The following ASB3 variants were observed in gnomAD, a reference collection of about 807,000 sequenced individuals.
ASB3 encodes ankyrin repeat and SOCS box protein 3.
Under a neutral mutation model 54.5 loss-of-function variants are expected in ASB3, and 41 were observed. The ratio of observed to expected loss-of-function variants is 0.75; its 90% CI spans 0.59 to 0.98. ASB3 has a LOEUF of 0.98. ASB3 is among the 50% of genes least tolerant of loss of function. The pLI is 0.00. For missense variants in ASB3, 733 were observed against 620.0 expected, an observed-to-expected ratio of 1.18 and a Z score of -1.94; for synonymous variants, 266 against 221.2, an observed-to-expected ratio of 1.20 and a Z score of -1.80.
At chr2:53,713,071 G>C (rs964305293) in intron 7 of ASB3, among the ~76,000 whole-genome samples, 1 of 152,148 alleles carries the variant, frequency 6.6e-6, no homozygotes, top group African/African-American at 2.4e-5. Flanking sequence ...GGATGGGGTG[G>C]CTCACACCTA....
intron 5 of ASB3, among the ~76,000 whole-genome samples, chr2:53,723,157 G>C (rs1005090434): frequency 6.6e-6 from 1 of 151,860 alleles, no homozygotes; most frequent in African/African-American, 2.4e-5. Flanking sequence ...TCTCTACAAG[G>C]AGAACTACAA....
intron 5 of ASB3, among the ~76,000 whole-genome samples, chr2:53,721,979 G>A (rs1222731300): frequency 6.6e-6 from 1 of 151,896 alleles, no homozygotes; most frequent in Admixed American, 6.6e-5. Flanking sequence ...GTCCAAATAA[G>A]CACAATCTGA....
In ASB3 at chr2:53,750,830, G is replaced by A. The variant is rs1169716826; in HGVS notation, c.308C>T (p.Ala103Val). The change falls in exon 3 of 10, where the codon GCA (alanine) becomes GTA (valine). Residue 103 changes from alanine (A) to valine (V), a missense_variant. Coordinates refer to ENST00000263634, the MANE Select transcript of ASB3 (RefSeq NM_016115.5). ...TTCTAAAGTAGTTGCATTAGGATCT[G>A]CCCCAGCTTCTAAAAGAATCTGTAC... ...KIVQILLEAG[A>V]DPNATTLEET... The A allele has an allele frequency of 5.0e-6, 8 of 1,601,874 alleles. No homozygotes were observed. Among genetic ancestry groups the A allele is most frequent in the Non-Finnish European group, 6.8e-6 (8 of 1,174,172 alleles).
rs557329043 is a variant in ASB3, at chr2:53,739,916, C to T, written c.356-10346G>A. Among the ~76,000 whole-genome samples, 5 of 152,214 alleles carry T rather than the reference C, an allele frequency of 3.3e-5. No homozygotes were observed. The South Asian group carries it at 6.2e-4, about 19-fold the overall frequency. On this transcript the variant is annotated intron_variant, in intron 3 of 9. Coordinates refer to ENST00000263634, the MANE Select transcript of ASB3 (RefSeq NM_016115.5). ...CTTGAACTCATGGGCTCAAGTGATC[C>T]TCCCACTTCAGCCTCCCAAAATGTT...
At position 53,729,999 on chromosome 2, in the gene ASB3, C is replaced by G. The variant is rs1295544652; in HGVS notation, c.356-429G>C. ...AAGAGTAACTGACAAAATGAAAAAG[C>G]AACTTCTTCATCTTAGATTTTTTTT... On this transcript the variant is annotated intron_variant, in intron 3 of 9. Transcript: ENST00000263634. 2.0e-5 allele frequency among the ~76,000 whole-genome samples: 3 copies of G among 152,130 alleles called. No homozygotes were observed. In the East Asian group the frequency reaches 5.8e-4, roughly 29 times the overall value.
At chr2:53,784,398 T>C (rs1219490774) in intron 1 of ASB3, among the ~76,000 whole-genome samples, 1 of 152,182 alleles carries the variant, frequency 6.6e-6, no homozygotes, top group Non-Finnish European at 1.5e-5. Flanking sequence ...TCTCAACTAC[T>C]TTTTGGTTTT....
intron 2 of ASB3, among the ~76,000 whole-genome samples, chr2:53,761,899 C>T (rs1673168109): frequency 6.6e-6 from 1 of 152,086 alleles, no homozygotes; most frequent in African/African-American, 2.4e-5. Context: ...GTTATAACAG[C>T]AAAACTTTAG....
chr2:53,700,235 A>G (rs1166800444), intron 8 of ASB3, 36 bp downstream of exon 8: 2 of 1,588,744 alleles, frequency 1.3e-6, no homozygotes, highest in Admixed American at 3.5e-5. Flanking sequence ...ATATTCACTC[A>G]AAAAGGGTAA....
chr2:53,765,706 C>T, intron 1 of ASB3, 121 bp from the exon 2 acceptor site: 4 of 1,177,780 alleles, frequency 3.4e-6, no homozygotes, highest in East Asian at 2.5e-5. Context: ...GAAGGGCCCA[C>T]AATACAGAAA....
intron 3 of ASB3, among the ~76,000 whole-genome samples, chr2:53,743,973 G>A (rs1672079906): frequency 6.6e-6 from 1 of 151,764 alleles, no homozygotes. Flanking sequence ...AACCCTGGAG[G>A]TGGAAGTTGC....
chr2:53,744,060 T>C (rs1050908804), intron 3 of ASB3, among the ~76,000 whole-genome samples: 2 of 117,150 alleles, frequency 1.7e-5, no homozygotes, highest in Non-Finnish European at 3.7e-5. Flanking sequence ...AAAAAAAAAG[T>C]AATTAAAAGA....
intron 2 of ASB3, among the ~76,000 whole-genome samples, chr2:53,757,350 C>T (rs1315659859): frequency 6.6e-6 from 1 of 152,208 alleles, no homozygotes; most frequent in African/African-American, 2.4e-5. Context: ...TTTCAATTTT[C>T]CTGGGGAGGC....
chr2:53,782,677 G>A (rs1674714830), intron 1 of ASB3, among the ~76,000 whole-genome samples: 1 of 152,132 alleles, frequency 6.6e-6, no homozygotes, highest in South Asian at 2.1e-4. Context: ...CCTTATTTGG[G>A]TACAGGGTGG....
intron 9 of ASB3, among the ~76,000 whole-genome samples, chr2:53,675,072 AT>A (rs577741666): frequency 8.9e-4 from 135 of 152,338 alleles, no homozygotes; most frequent in African/African-American, 3.0e-3. Context: ...TTACCTTTCC[AT>A]AAAATGAGAA....
At position 53,766,159 on chromosome 2, in the gene ASB3, C is replaced by T. The variant is rs538032800; in HGVS notation, c.-13-574G>A. Among the ~76,000 whole-genome samples, 3 of 152,326 alleles carry T rather than the reference C, an allele frequency of 2.0e-5. No homozygotes were observed. The South Asian group carries it at 6.2e-4, about 32-fold the overall frequency. ...AGGTTAAACACTCAGATTCTCTATG[C>T]TTGACCAAATAGACCCACTGACTGA... On this transcript the variant is annotated intron_variant, in intron 1 of 9. Coordinates refer to ENST00000263634, the MANE Select transcript of ASB3 (RefSeq NM_016115.5).
rs75885371 is a variant in ASB3 at position 53,694,157 on chromosome 2, A to G, written c.1239-143T>C. 3,442 of 870,446 alleles carry G rather than the reference A, an allele frequency of 4.0e-3. 63 individuals are homozygous for G. The African/African-American group carries it at 0.047, about 12-fold the overall frequency. 53.9% of individuals were successfully genotyped at this position (870,446 alleles called of 1,614,324 possible). Reference sequence around the variant, plus strand: ...CCAGGGCATGTTAAGTATTTATGTAACTAGAGGCAAGATCAGAGGATATTA... The same window carrying G: ...CCAGGGCATGTTAAGTATTTATGTAGCTAGAGGCAAGATCAGAGGATATTA... On this transcript the variant is annotated intron_variant, in intron 8 of 9. Transcript: ENST00000263634.
chr2:53,763,776 CT>C (rs1293086789), intron 2 of ASB3, among the ~76,000 whole-genome samples: 2 of 152,170 alleles, frequency 1.3e-5, no homozygotes, highest in Non-Finnish European at 2.9e-5. Context: ...GATATTCAAA[CT>C]CATGTCTTTG....
chr2:53,720,881 C>T (rs1490132228), intron 5 of ASB3, among the ~76,000 whole-genome samples: 1 of 151,896 alleles, frequency 6.6e-6, no homozygotes, highest in Non-Finnish European at 1.5e-5. Flanking sequence ...CTTGTGAGGC[C>T]GAGATGGGCA....
chr2:53,710,864 C>T (rs549358154), intron 7 of ASB3, among the ~76,000 whole-genome samples: 133 of 152,196 alleles, frequency 8.7e-4, no homozygotes, highest in East Asian at 3.1e-3. Flanking sequence ...CTGTGGCTCA[C>T]GCCTGTAATC....
Sources: allele counts gnomAD v4.1 joint callset (sites outside exome capture counted in the v4.1 genomes callset), GRCh38; gene constraint gnomAD v4.1.1; transcripts MANE v1.5; gene names NCBI Gene and HGNC (gene_info 2026-07-23, HGNC 2026-07-21).